The following PRKDC variants were observed in gnomAD, a reference collection of about 807,000 sequenced individuals.
PRKDC encodes DNA-dependent protein kinase catalytic subunit.
A neutral mutation model predicts 486.9 loss-of-function variants in PRKDC; 82 were observed. The observed-to-expected ratio is 0.17, with a 90% CI of 0.14 to 0.20. PRKDC has a LOEUF of 0.20. Ranked by LOEUF, PRKDC falls within the 10% of genes least tolerant of loss-of-function variation. The probability of loss-of-function intolerance (pLI) is 1.00; values close to 1 mark genes in which losing one functional copy is unlikely to be tolerated. For missense variants in PRKDC, 4,504 were observed against 5,038.2 expected, an observed-to-expected ratio of 0.89 and a Z score of 3.21; for synonymous variants, 1,895 against 1,837.0, an observed-to-expected ratio of 1.03 and a Z score of -0.81.
At position 47,796,519 on chromosome 8, in the gene PRKDC, G is replaced by A. The variant is rs1028663698; in HGVS notation, c.10458+1718C>T. ...CCACCATTTTCTACTGGTCTATTGT[G>A]ACCATTTATTTTGTAGATTGCCGAA... On this transcript the variant is annotated intron_variant, in intron 73 of 85. Coordinates refer to ENST00000314191, the MANE Select transcript of PRKDC (RefSeq NM_006904.7). Among the ~76,000 whole-genome samples the A allele has an allele frequency of 3.3e-5, 5 of 151,844 alleles. No individual in the cohort carries two copies. The South Asian group carries it at 8.3e-4, about 25-fold the overall frequency.
At chr8:47,895,130 G>C (rs771372634) in intron 30 of PRKDC, among the ~76,000 whole-genome samples, 1 of 152,136 alleles carries the variant, frequency 6.6e-6, no homozygotes, top group African/African-American at 2.4e-5. Flanking sequence ...AGGAGGTTGA[G>C]GCAAGAGGAT....
intron 30 of PRKDC, among the ~76,000 whole-genome samples, chr8:47,893,852 A>G (rs1188183732): frequency 2.0e-5 from 3 of 152,264 alleles, no homozygotes; most frequent in African/African-American, 7.2e-5. Flanking sequence ...TCTTTTAAAT[A>G]TTAAACTTCT....
intron 76 of PRKDC, among the ~76,000 whole-genome samples, chr8:47,786,723 C>CTTTTTTTTTTTTTTTTT (rs5891257): frequency 1.1e-5 from 1 of 88,248 alleles, no homozygotes; most frequent in Non-Finnish European, 1.9e-5. Flanking sequence ...ATTATTTAAT[C>CTTTTTTTTTTTTTTTTT]TTTTTTTTTT....
At chr8:47,854,453 C>T (rs949398437) in intron 50 of PRKDC, among the ~76,000 whole-genome samples, 1 of 152,152 alleles carries the variant, frequency 6.6e-6, no homozygotes, top group African/African-American at 2.4e-5. Flanking sequence ...ATTCTCCTGC[C>T]TCAGCCTCCC....
At chr8:47,815,287 T>C (rs1401844386) in intron 68 of PRKDC, among the ~76,000 whole-genome samples, 3 of 152,260 alleles carry the variant, frequency 2.0e-5, no homozygotes, top group African/African-American at 4.8e-5. Context: ...CCCACACATA[T>C]GTGGTCAATT....
At chr8:47,883,673 C>T (rs953982233) in intron 36 of PRKDC, among the ~76,000 whole-genome samples, 7 of 152,246 alleles carry the variant, frequency 4.6e-5, no homozygotes, top group African/African-American at 1.2e-4. Flanking sequence ...ATTTCTGATG[C>T]CTATGCTTAA....
intron 46 of PRKDC, 21 bp from the exon 47 acceptor site, chr8:47,859,007 G>C: frequency 1.2e-6 from 2 of 1,610,412 alleles, no homozygotes; most frequent in Non-Finnish European, 8.5e-7. Flanking sequence ...GAGGGCCCAG[G>C]AGAGCAGAGG....
At chr8:47,898,998 G>A (rs867446498) in intron 28 of PRKDC, among the ~76,000 whole-genome samples, 1 of 152,202 alleles carries the variant, frequency 6.6e-6, no homozygotes, top group Non-Finnish European at 1.5e-5. Flanking sequence ...TAAATCCCTT[G>A]ACCTCCCTTC....
chr8:47,782,520 C>A lies in PRKDC; in HGVS notation c.11254G>T (p.Val3752Leu). The A allele has an allele frequency of 6.3e-7, 1 of 1,577,046 alleles. No individual in the cohort carries two copies. The highest frequency in any genetic ancestry group is 2.3e-5 in the East Asian group (1 of 42,952). ...TGCCGCAGGTCCTCGCCACCCTTCACCAGGAAAGGGTGTTCCCTCTCGTCA... is the reference window on the plus strand; with the variant it reads ...TGCCGCAGGTCCTCGCCACCCTTCAACAGGAAAGGGTGTTCCCTCTCGTCA... ...GHDEREHPFL[V>L]KGGEDLRQDQ... is the part of the protein sequence containing the mutation. The change falls in exon 79 of 86, where the codon GTG (valine) becomes TTG (leucine). Residue 3752 changes from valine (V) to leucine (L), a missense_variant. This residue lies in a region of PRKDC where 706 missense variants were observed against 945.0 expected (regional missense o/e 0.75). Transcript: ENST00000314191. The surrounding 1 kb of genome is among the most constrained non-coding windows in gnomAD (Gnocchi z 4.9).
chr8:47,872,090 T>C (rs565532377), intron 40 of PRKDC, among the ~76,000 whole-genome samples: 2 of 152,248 alleles, frequency 1.3e-5, no homozygotes, highest in South Asian at 4.1e-4. Context: ...ATATAGACAG[T>C]GTAATAAGGT....
intron 55 of PRKDC, 72 bp from the exon 56 acceptor site, chr8:47,839,318 A>G: frequency 2.0e-6 from 2 of 1,018,152 alleles, no homozygotes; most frequent in Admixed American, 2.0e-5. Flanking sequence ...CTACAGTAAC[A>G]CCATCTAGAA....
chr8:47,821,891 T>A (rs2087606132), intron 64 of PRKDC, 99 bp from the exon 65 acceptor site: 1 of 1,092,166 alleles, frequency 9.2e-7, no homozygotes, highest in South Asian at 1.7e-5. Context: ...CTAAAAACAA[T>A]CCTTTTCAGA....
At position 47,960,118 on chromosome 8, in the gene PRKDC, G is replaced by A. The variant is rs1015355794; in HGVS notation, c.9C>T (p.Gly3=). 10 of 1,499,662 alleles carry A rather than the reference G, an allele frequency of 6.7e-6. No homozygotes were observed. The highest frequency in any genetic ancestry group is 1.2e-5 in the South Asian group (1 of 81,190). The allele number at this position is 1,499,662 out of a possible 1,614,324, so 92.9% of individuals were successfully genotyped here. A position where few individuals can be genotyped will look rare whatever the true frequency, so the allele number is the denominator to read the frequency against. The change falls in exon 1 of 86, where the codon GGC becomes GGT. Residue 3 remains glycine, a synonymous_variant. Transcript: ENST00000314191. ...GGGAGCAACGCACACCGGCTCCGGA[G>A]CCCGCCATGCCGCCGAGTCCCGCTC... MA[G]SGAGVRCSLL... is the part of the protein sequence containing the mutation.
At chr8:47,879,780 C>T (rs972952878) in intron 38 of PRKDC, 122 bp from the exon 39 acceptor site, 2 of 712,106 alleles carry the variant, frequency 2.8e-6, no homozygotes, top group East Asian at 3.7e-5. Context: ...AATGGCTTCA[C>T]CATAATTTCT....
intron 68 of PRKDC, among the ~76,000 whole-genome samples, chr8:47,813,813 A>G (rs2087384277): frequency 6.6e-6 from 1 of 152,156 alleles, no homozygotes; most frequent in Non-Finnish European, 1.5e-5. Context: ...ACCTCAGGTG[A>G]TCCGCCCACC....
intron 59 of PRKDC, 119 bp from the exon 60 acceptor site, chr8:47,832,045 C>T (rs931755198): frequency 1.2e-5 from 10 of 852,828 alleles, no homozygotes; most frequent in Admixed American, 8.6e-5. Flanking sequence ...AGGCAGCGAC[C>T]GGGAGCAGGA....
At chr8:47,882,647 A>G (rs1021149907) in intron 36 of PRKDC, among the ~76,000 whole-genome samples, 3 of 152,206 alleles carry the variant, frequency 2.0e-5, no homozygotes, top group African/African-American at 7.2e-5. Flanking sequence ...CTTCTTGTTC[A>G]ACTACCATCA....
intron 69 of PRKDC, among the ~76,000 whole-genome samples, chr8:47,806,302 C>T (rs2087214473): frequency 6.6e-6 from 1 of 152,180 alleles, no homozygotes; most frequent in Admixed American, 6.5e-5. Flanking sequence ...GGGTCCTCTC[C>T]CCATGACCCC....
In PRKDC at chr8:47,831,917, C is replaced by T. The variant is rs1044914258; in HGVS notation, c.8162G>A (p.Gly2721Asp). ...EVDNKVKGAA[G>D]RTDLLRLRRR... ...GCGCAGTCGTAGTAGGTCCGTCCGG[C>T]CGGCCGCACCTGGAGAGGGAAAGCA... Residue 2721 changes from glycine to aspartate, a missense_variant, in exon 60 of 86, where the codon GGC (glycine) becomes GAC (aspartate). Transcript: ENST00000314191. The T allele has an allele frequency of 4.3e-6, 7 of 1,612,134 alleles. No homozygotes were observed. Among genetic ancestry groups the T allele is most frequent in the Non-Finnish European group, 5.9e-6 (7 of 1,178,438 alleles).
Sources: gnomAD v4.1 joint callset for allele counts (sites outside exome capture counted in the v4.1 genomes callset) on GRCh38, gnomAD v4.1.1 for gene constraint, gnomAD v4.1.1 regional missense constraint, Gnocchi (gnomAD v3.1) non-coding constraint, MANE v1.5 for transcripts, NCBI Gene and HGNC (gene_info 2026-07-23, HGNC 2026-07-21) for gene names.